The following INTS6 variants were observed in gnomAD, a reference collection of about 807,000 sequenced individuals.
INTS6 encodes integrator complex subunit 6.
A neutral mutation model predicts 104.9 loss-of-function variants in INTS6; 16 were observed. The observed-to-expected ratio is 0.15, with a 90% CI of 0.10 to 0.23. The LOEUF (loss-of-function observed/expected upper bound fraction) is 0.23, where lower values mean the gene tolerates loss of function less well. INTS6 is among the 10% of genes least tolerant of loss of function. INTS6 has a pLI of 1.00. For missense variants in INTS6, 584 were observed against 1,062.8 expected, an observed-to-expected ratio of 0.55 and a Z score of 6.26; for synonymous variants, 324 against 358.7, an observed-to-expected ratio of 0.90 and a Z score of 1.09.
At chr13:51,368,874 TTTC>T (rs1955743528) in intron 16 of INTS6, 62 bp downstream of exon 16, 1 of 1,489,472 alleles carries the variant, frequency 6.7e-7, no homozygotes. Context: ...TGACTTTTTT[TTTC>T]TTTTTTGCTT....
chr13:51,376,190 C>A lies in INTS6; in HGVS notation c.1603-16G>T. The A allele has an allele frequency of 6.3e-7, 1 of 1,577,424 alleles. No individual in the cohort carries two copies. On this transcript the variant is annotated splice_polypyrimidine_tract_variant and intron_variant, in intron 12 of 17. Coordinates refer to ENST00000311234, the MANE Select transcript of INTS6 (RefSeq NM_012141.3). ...GCTTCAAATCCTATTAAACAACATT[C>A]GAGGACAAAATTTATTGTCAAACAT...
chr13:51,445,830 G>C (rs183699170), intron 3 of INTS6: 2 of 152,314 alleles, frequency 1.3e-5, no homozygotes, highest in Admixed American at 1.3e-4. Context: ...ATTCAAATGG[G>C]AAAGGGCAAG....
At chr13:51,344,689 C>G in the INTS6 span, among the ~76,000 whole-genome samples, 3 of 151,922 alleles carry the variant, frequency 2.0e-5, no homozygotes, top group African/African-American at 4.8e-5. Context: ...CTCTCCCACA[C>G]AAATATACAC....
the INTS6 span, chr13:51,348,430 C>G: frequency 6.2e-7 from 1 of 1,602,190 alleles, no homozygotes; most frequent in Non-Finnish European, 8.5e-7. Context: ...CTGAGTCCCC[C>G]TCACAGGTGC....
intron 4 of INTS6, among the ~76,000 whole-genome samples, chr13:51,405,824 T>G (rs1023175959): frequency 1.3e-5 from 2 of 152,174 alleles, no homozygotes; most frequent in Admixed American, 1.3e-4. Context: ...CAGTCCTGGA[T>G]AAGCCTGGGG....
At chr13:51,361,024 G>A (rs184344174), downstream of INTS6, among the ~76,000 whole-genome samples, 25 of 152,018 alleles carry the variant, frequency 1.6e-4, no homozygotes, top group Admixed American at 9.2e-4. Context: ...TTTTGGGAGC[G>A]ATTACATATT....
chr13:51,384,348 A>G (rs1462308020), intron 7 of INTS6: 5 of 222,876 alleles, frequency 2.2e-5, no homozygotes, highest in Non-Finnish European at 4.5e-5. Flanking sequence ...CTTTTTTTAA[A>G]AAGGCATGTT....
the INTS6 span, chr13:51,344,326 C>T: frequency 2.3e-5 from 37 of 1,613,876 alleles, no homozygotes; most frequent in Non-Finnish European, 3.4e-6. Flanking sequence ...CGAGATGGAG[C>T]TGGCCTGCAG....
At chr13:51,404,292 C>T (rs1488882707) in intron 4 of INTS6, among the ~76,000 whole-genome samples, 1 of 123,804 alleles carries the variant, frequency 8.1e-6, no homozygotes, top group African/African-American at 3.2e-5. Context: ...CAAGCAAAAA[C>T]TAAAAAAAAA....
At chr13:51,361,237 G>A, downstream of INTS6, 1 of 1,312,558 alleles carries the variant, frequency 7.6e-7, no homozygotes, top group Non-Finnish European at 1.1e-6. Context: ...TTAGAAAAAT[G>A]TTAATGAGCA....
chr13:51,365,776 C>G lies in INTS6; in HGVS notation c.2640G>C (p.Gln880His). 6.3e-7 allele frequency: 1 copy of G among 1,594,508 alleles called. No homozygotes were observed. Among genetic ancestry groups the G allele is most frequent in the African/African-American group, 1.3e-5 (1 of 74,334 alleles). Reference sequence around the variant, plus strand: ...TTTAATTGCTATTAATATGGTTGATCTGATTGGCTCTTCGATGAATTTCAT... The same window carrying G: ...TTTAATTGCTATTAATATGGTTGATGTGATTGGCTCTTCGATGAATTTCAT... ...FLDEIHRRAN[Q>H]INHINSN The change falls in exon 18 of 18, where the codon CAG (glutamine) becomes CAC (histidine). Residue 880 changes from glutamine to histidine, a missense_variant. By Grantham distance (24) the Gln-to-His change is conservative (BLOSUM62 0). This residue lies in a region of INTS6 where 296 missense variants were observed against 437.0 expected (regional missense o/e 0.68). Transcript: ENST00000311234.
At chr13:51,371,709 C>T (rs1470373111) in intron 15 of INTS6, among the ~76,000 whole-genome samples, 1 of 152,088 alleles carries the variant, frequency 6.6e-6, no homozygotes, top group Non-Finnish European at 1.5e-5. Flanking sequence ...CTCTCTCCCA[C>T]AGAGATTGTT....
intron 3 of INTS6, among the ~76,000 whole-genome samples, chr13:51,433,312 T>C (rs1957131399): frequency 6.6e-6 from 1 of 152,170 alleles, no homozygotes; most frequent in African/African-American, 2.4e-5. Flanking sequence ...CCAAGTGTGG[T>C]GGCACATGCC....
intron 4 of INTS6, among the ~76,000 whole-genome samples, chr13:51,410,544 C>G (rs1486689026): frequency 6.6e-6 from 1 of 152,152 alleles, no homozygotes; most frequent in East Asian, 1.9e-4. Context: ...TTCCTCCCAT[C>G]ATACACAGAA....
chr13:51,394,487 CAACT>C (rs1031809722), intron 5 of INTS6, among the ~76,000 whole-genome samples: 7 of 152,064 alleles, frequency 4.6e-5, no homozygotes, highest in African/African-American at 1.7e-4. Flanking sequence ...ATTAGCGCAC[CAACT>C]GTGTCTGCAG....
At chr13:51,438,553 T>C (rs145463291) in intron 3 of INTS6, 1 of 152,360 alleles carries the variant, frequency 6.6e-6, no homozygotes, top group African/African-American at 2.4e-5. Flanking sequence ...CATTAAGATT[T>C]ACATTCACTA....
At chr13:51,383,550 C>T (rs1956089247) in intron 8 of INTS6, 39 bp downstream of exon 8, 1 of 1,604,198 alleles carries the variant, frequency 6.2e-7, no homozygotes, top group Admixed American at 1.7e-5. Flanking sequence ...AGAAATGCCT[C>T]ATTTAAATTT....
intron 3 of INTS6, chr13:51,444,283 T>G (rs1022989023): frequency 7.0e-6 from 1 of 142,366 alleles, no homozygotes; most frequent in Non-Finnish European, 1.5e-5. Flanking sequence ...TTTTTTTTTT[T>G]TAGTAGAGAT....
chr13:51,351,051 A>G (rs1344615402), downstream of INTS6, among the ~76,000 whole-genome samples: 1 of 152,146 alleles, frequency 6.6e-6, no homozygotes, highest in Non-Finnish European at 1.5e-5. Flanking sequence ...ATCAATTTAT[A>G]GATATTTGAG....
Sources: allele counts gnomAD v4.1 joint callset (sites outside exome capture counted in the v4.1 genomes callset), GRCh38; gene constraint gnomAD v4.1.1; regional missense constraint gnomAD v4.1.1; transcripts MANE v1.5; gene names NCBI Gene and HGNC (gene_info 2026-07-23, HGNC 2026-07-21).